The following C20orf202 variants were observed in gnomAD, a reference collection of about 807,000 sequenced individuals.
C20orf202 encodes chromosome 20 open reading frame 202.
Under a neutral mutation model 5.3 loss-of-function variants are expected in C20orf202, and 5 were observed. The observed-to-expected ratio is 0.94, with a 90% CI of 0.49 to 1.98. The LOEUF is 1.98. C20orf202 is among the 30% of genes most tolerant of loss of function. The probability of loss-of-function intolerance (pLI) is 0.01; values close to 1 mark genes in which losing one functional copy is unlikely to be tolerated. For synonymous variants in C20orf202, 48 were observed against 50.0 expected (o/e 0.96, Z 0.16); for missense variants, 135 against 123.5 (o/e 1.09, Z -0.44).
chr20:1,206,487 T>G (rs1191145811), intron 1 of C20orf202, among the ~76,000 whole-genome samples: 1 of 152,250 alleles, frequency 6.6e-6, no homozygotes, highest in Non-Finnish European at 1.5e-5. Context: ...TGGATTCTCA[T>G]AGCTGCTTCC....
In C20orf202 at chr20:1,208,622, G is replaced by T. The variant is rs377392158; in HGVS notation, c.*1520G>T. 1.3e-5 allele frequency among the ~76,000 whole-genome samples: 2 copies of T among 152,296 alleles called. No individual in the cohort carries two copies. The highest frequency in any genetic ancestry group is 3.9e-4 in the East Asian group (2 of 5,182). On this transcript the variant is annotated 3_prime_UTR_variant, in exon 2 of 2. Transcript: ENST00000400633. ...GCTTGCTCCTTCTTCTTGTTTCCCT[G>T]TGGGCTTCCTGTTCCTATGAGCATC...
intron 1 of C20orf202, among the ~76,000 whole-genome samples, chr20:1,203,907 G>A (rs1318017201): frequency 6.6e-6 from 1 of 152,130 alleles, no homozygotes; most frequent in African/African-American, 2.4e-5. Context: ...TCCTCCGTGT[G>A]TGCTGAGTCC....
At position 1,203,488 on chromosome 20, in the gene C20orf202, C is replaced by T; in HGVS notation, c.-98C>T. Reference sequence around the variant, plus strand: ...TCCATCTTCAGTGATTTGGCCAGAACCTGCTGCCAGTCTGAAAGAGTTGGG... The same window carrying T: ...TCCATCTTCAGTGATTTGGCCAGAATCTGCTGCCAGTCTGAAAGAGTTGGG... On this transcript the variant is annotated 5_prime_UTR_variant, in exon 1 of 2. Coordinates refer to ENST00000400633, the MANE Select transcript of C20orf202 (RefSeq NM_001394958.1). 6.6e-7 allele frequency: 1 copy of T among 1,523,674 alleles called. No homozygotes were observed. The highest frequency in any genetic ancestry group is 8.8e-7 in the Non-Finnish European group (1 of 1,133,090). 94.4% of individuals were successfully genotyped at this position (1,523,674 alleles called of 1,614,324 possible). A position where few individuals can be genotyped will look rare whatever the true frequency, so the allele number is the denominator to read the frequency against.
chr20:1,203,512 G>A lies in C20orf202; in HGVS notation c.-74G>A. On this transcript the variant is annotated 5_prime_UTR_variant, in exon 1 of 2. Coordinates refer to ENST00000400633, the MANE Select transcript of C20orf202 (RefSeq NM_001394958.1). Reference sequence around the variant, plus strand: ...ACCTGCTGCCAGTCTGAAAGAGTTGGGGGAATGTACAAGTCAAAGATCCCT... The same window carrying A: ...ACCTGCTGCCAGTCTGAAAGAGTTGAGGGAATGTACAAGTCAAAGATCCCT... The A allele has an allele frequency of 6.5e-7, 1 of 1,544,460 alleles. No individual in the cohort carries two copies.
At chr20:1,204,520 G>A (rs2087123797) in intron 1 of C20orf202, among the ~76,000 whole-genome samples, 1 of 152,230 alleles carries the variant, frequency 6.6e-6, no homozygotes, top group Non-Finnish European at 1.5e-5. Context: ...AGGAAGCCAG[G>A]CTTATGCCTT....
chr20:1,203,747 C>A lies in C20orf202; in HGVS notation c.66+96C>A, dbSNP rs1005766103. 21 of 1,382,608 alleles carry A rather than the reference C, an allele frequency of 1.5e-5. 1 individual carries two copies. In the African/African-American group the frequency reaches 2.3e-4, roughly 15 times the overall value. 85.6% of individuals were successfully genotyped at this position (1,382,608 alleles called of 1,614,324 possible). ...CGGGTCCCCCCTGGGGCAGAGGCTG[C>A]AGGCTACGGTATGGACCCTGCAGTC... is the stretch of plus-strand genomic sequence containing the variant. On this transcript the variant is annotated intron_variant, in intron 1 of 1. Coordinates refer to ENST00000400633, the MANE Select transcript of C20orf202 (RefSeq NM_001394958.1).
intron 1 of C20orf202, among the ~76,000 whole-genome samples, chr20:1,206,650 C>T (rs1431824069): frequency 6.6e-6 from 1 of 152,240 alleles, no homozygotes. Context: ...AGGATTTTCC[C>T]ATGGGCAAAT....
Position 1,207,035 on chromosome 20 carries a change from CG to C in C20orf202, c.235del (p.Val79PhefsTer99). The part of the protein sequence containing the change: ...RAGSEGRGCQ[P>X]VCSRGLAQLL... The stretch of plus-strand genomic sequence containing the variant: ...GGCTCCGAAGGCAGGGGCTGCCAGC[CG>C]GTTTGCTCAAGGGGTCTGGCCCAGC... On this transcript the variant is annotated frameshift_variant, in exon 2 of 2. Transcript: ENST00000400633. LOFTEE classifies it high-confidence loss of function. 6.5e-7 allele frequency: 1 copy of C among 1,549,456 alleles called. No homozygotes were observed. The highest frequency in any genetic ancestry group is 8.7e-7 in the Non-Finnish European group (1 of 1,145,508).
chr20:1,206,625 C>T (rs2087132513), intron 1 of C20orf202, among the ~76,000 whole-genome samples: 1 of 152,230 alleles, frequency 6.6e-6, no homozygotes, highest in Non-Finnish European at 1.5e-5. Flanking sequence ...GTTTTGACCT[C>T]GCTGACCCCT....
Position 1,207,027 on chromosome 20 carries a change from C to T in C20orf202, c.225C>T (p.Gly75=). Reference sequence around the variant, plus strand: ...CTCGAGCGGGCTCCGAAGGCAGGGGCTGCCAGCCGGTTTGCTCAAGGGGTC... The same window carrying T: ...CTCGAGCGGGCTCCGAAGGCAGGGGTTGCCAGCCGGTTTGCTCAAGGGGTC... ...IRARAGSEGR[G]CQPVCSRGLA... is the part of the protein sequence containing the mutation. Residue 75 remains glycine (G), a synonymous_variant, in exon 2 of 2, where the codon GGC becomes GGT. Transcript: ENST00000400633. 1 of 1,549,906 alleles carries T rather than the reference C, an allele frequency of 6.5e-7. No individual in the cohort carries two copies.
intron 1 of C20orf202, among the ~76,000 whole-genome samples, chr20:1,205,400 G>C (rs1357709912): frequency 6.6e-6 from 1 of 152,126 alleles, no homozygotes; most frequent in Non-Finnish European, 1.5e-5. Context: ...GAGCCACTGG[G>C]CCTGGCCTCA....
chr20:1,203,865 G>A (rs921668302), intron 1 of C20orf202, among the ~76,000 whole-genome samples: 1 of 152,140 alleles, frequency 6.6e-6, no homozygotes, highest in Non-Finnish European at 1.5e-5. Context: ...TGGGTGTGGT[G>A]CTGGCCAGAC....
chr20:1,206,332 A>G (rs1221437005), intron 1 of C20orf202, among the ~76,000 whole-genome samples: 1 of 152,240 alleles, frequency 6.6e-6, no homozygotes, highest in African/African-American at 2.4e-5. Context: ...AATGCATTCT[A>G]AAATAATAAC....
At chr20:1,203,736 G>A in intron 1 of C20orf202, 85 bp downstream of exon 1, 1 of 1,444,442 alleles carries the variant, frequency 6.9e-7, no homozygotes, top group South Asian at 1.4e-5. Flanking sequence ...TCCCCCCTGG[G>A]GCAGAGGCTG....
In C20orf202 at chr20:1,207,069, A is replaced by AG; in HGVS notation, c.271dup (p.Glu91GlyfsTer15). 2 of 1,523,642 alleles carry AG rather than the reference A, an allele frequency of 1.3e-6. No homozygotes were observed. The highest frequency in any genetic ancestry group is 1.4e-5 in the African/African-American group (1 of 72,574). 94.4% of individuals were successfully genotyped at this position (1,523,642 alleles called of 1,614,324 possible). A position where few individuals can be genotyped will look rare whatever the true frequency, so the allele number is the denominator to read the frequency against. On this transcript the variant is annotated frameshift_variant, in exon 2 of 2. Coordinates refer to ENST00000400633, the MANE Select transcript of C20orf202 (RefSeq NM_001394958.1). LOFTEE classifies it high-confidence loss of function. ...CAAGGGGTCTGGCCCAGCTCCTCCG[A>AG]GGGGAAGACAGCAGACGAAGCTCTC...
At position 1,207,441 on chromosome 20, in the gene C20orf202, A is replaced by G. The variant is rs75041804; in HGVS notation, c.*339A>G. On this transcript the variant is annotated 3_prime_UTR_variant, in exon 2 of 2. Coordinates refer to ENST00000400633, the MANE Select transcript of C20orf202 (RefSeq NM_001394958.1). Reference sequence around the variant, plus strand: ...TCACAAGGCAATTGTTAAAACAAAGAACTAGATGTGCAGTAATGGTTACCA... The same window carrying G: ...TCACAAGGCAATTGTTAAAACAAAGGACTAGATGTGCAGTAATGGTTACCA... 1,044 of 202,664 alleles carry G rather than the reference A, an allele frequency of 5.2e-3. 15 individuals are homozygous for G. The highest frequency in any genetic ancestry group is 0.023 in the African/African-American group (989 of 43,720). 12.6% of individuals were successfully genotyped at this position (202,664 alleles called of 1,614,324 possible).
At chr20:1,203,776 C>T in intron 1 of C20orf202, 125 bp downstream of exon 1, 7 of 1,043,874 alleles carry the variant, frequency 6.7e-6, no homozygotes, top group Non-Finnish European at 9.5e-6. Flanking sequence ...TGCAGTCTCC[C>T]CTCTGGGACC....
intron 1 of C20orf202, among the ~76,000 whole-genome samples, chr20:1,205,265 C>A (rs1291515054): frequency 6.6e-6 from 1 of 152,124 alleles, no homozygotes; most frequent in East Asian, 1.9e-4. Context: ...GCCACCACGG[C>A]TGGCTAATTT....
chr20:1,205,191 C>T (rs1225774840), intron 1 of C20orf202, among the ~76,000 whole-genome samples: 2 of 151,740 alleles, frequency 1.3e-5, no homozygotes, highest in Non-Finnish European at 2.9e-5. Context: ...CTACAACCTC[C>T]GCCTCCTGGG....
Sources: gnomAD v4.1 joint callset for allele counts (sites outside exome capture counted in the v4.1 genomes callset) on GRCh38, gnomAD v4.1.1 for gene constraint, MANE v1.5 for transcripts, NCBI Gene and HGNC (gene_info 2026-07-23, HGNC 2026-07-21) for gene names.